Variants in GRIA2 observed in about 807,000 individuals in gnomAD.
GRIA2 encodes the protein glutamate ionotropic receptor AMPA type subunit 2.
Under a neutral mutation model 97.3 loss-of-function variants are expected in GRIA2, and 14 were observed. That is an observed-to-expected ratio of 0.14 (90% CI 0.10 to 0.23). The LOEUF is 0.23. GRIA2 is among the 10% of genes least tolerant of loss of function. The pLI, the probability that GRIA2 is intolerant of heterozygous loss-of-function variation, is 1.00. For synonymous variants in GRIA2, 412 were observed against 387.8 expected, an observed-to-expected ratio of 1.06 and a Z score of -0.73; for missense variants, 558 against 1,069.8, an observed-to-expected ratio of 0.52 and a Z score of 6.67.
At position 157,336,448 on chromosome 4, in the gene GRIA2, C is replaced by T. The variant is rs1247870346; in HGVS notation, c.1545C>T (p.Pro515=). 3 of 1,611,754 alleles carry T rather than the reference C, an allele frequency of 1.9e-6. No individual in the cohort carries two copies. Among genetic ancestry groups the T allele is most frequent in the Non-Finnish European group, 2.5e-6 (3 of 1,178,676 alleles). ...VREEVIDFSK[P]FMSLGISIMI... ...AAGAGGTGATTGACTTCTCAAAGCC[C>T]TTCATGAGCCTCGGGATATCTATCA... is the stretch of plus-strand genomic sequence containing the variant. Residue 515 remains proline (P), a synonymous_variant, in exon 11 of 16, where the codon CCC becomes CCT. Transcript: ENST00000264426.
At chr4:157,226,133 G>A (rs991195608) in intron 2 of GRIA2, among the ~76,000 whole-genome samples, 8 of 151,936 alleles carry the variant, frequency 5.3e-5, no homozygotes, top group African/African-American at 1.9e-4. Context: ...AGTTAAAGAT[G>A]ATTTAATAGT....
At chr4:157,333,015 G>C in intron 7 of GRIA2, 29 bp downstream of exon 7, 1 of 1,524,600 alleles carries the variant, frequency 6.6e-7, no homozygotes, top group Non-Finnish European at 8.9e-7. Flanking sequence ...TCGTTAACGT[G>C]ACTTAATATG....
intron 3 of GRIA2, 117 bp from the exon 4 acceptor site, chr4:157,312,562 A>G: frequency 1.8e-6 from 1 of 557,738 alleles, no homozygotes; most frequent in Non-Finnish European, 3.0e-6. Flanking sequence ...AGGAGTCAAC[A>G]TTCCTTTAGT....
At chr4:157,232,011 A>T (rs1469136516) in intron 2 of GRIA2, among the ~76,000 whole-genome samples, 1 of 152,228 alleles carries the variant, frequency 6.6e-6, no homozygotes, top group East Asian at 1.9e-4. Context: ...TATTCAAAGG[A>T]CAATTTAAGA....
chr4:157,283,707 A>C (rs1376476966), intron 2 of GRIA2, among the ~76,000 whole-genome samples: 2 of 151,844 alleles, frequency 1.3e-5, no homozygotes, highest in Non-Finnish European at 2.9e-5. Flanking sequence ...TGTGTTTTTC[A>C]CTTTTAACCT....
chr4:157,259,942 T>C (rs1253463445), intron 2 of GRIA2, among the ~76,000 whole-genome samples: 1 of 152,170 alleles, frequency 6.6e-6, no homozygotes, highest in Non-Finnish European at 1.5e-5. Context: ...TCTTTTTTAC[T>C]TGCACAATTC....
intron 2 of GRIA2, among the ~76,000 whole-genome samples, chr4:157,235,249 C>T (rs1730191679): frequency 1.3e-5 from 2 of 151,972 alleles, no homozygotes; most frequent in Non-Finnish European, 2.9e-5. Context: ...TCTTTCTTTT[C>T]TTCCTTTCTT....
intron 3 of GRIA2, among the ~76,000 whole-genome samples, chr4:157,310,616 A>G (rs1309767670): frequency 6.6e-6 from 1 of 151,970 alleles, no homozygotes; most frequent in Admixed American, 6.6e-5. Context: ...GGAAAAAATG[A>G]TTTTTATATT....
chr4:157,249,273 G>T (rs1354727573), intron 2 of GRIA2, among the ~76,000 whole-genome samples: 1 of 152,102 alleles, frequency 6.6e-6, no homozygotes, highest in Admixed American at 6.6e-5. Flanking sequence ...TTCATAATTT[G>T]AATATCTTAG....
At chr4:157,262,245 T>G in intron 2 of GRIA2, among the ~76,000 whole-genome samples, 1 of 152,040 alleles carries the variant, frequency 6.6e-6, no homozygotes, top group East Asian at 1.9e-4. Flanking sequence ...ATAAGCTTAT[T>G]ATCTAAATTT....
chr4:157,267,632 T>G (rs572661843), intron 2 of GRIA2, among the ~76,000 whole-genome samples: 64 of 152,176 alleles, frequency 4.2e-4, no homozygotes, highest in African/African-American at 1.5e-3. Context: ...GTTAGTTTAT[T>G]GTTGTTGTTT....
At chr4:157,256,917 T>C (rs1215223291) in intron 2 of GRIA2, among the ~76,000 whole-genome samples, 1 of 152,042 alleles carries the variant, frequency 6.6e-6, no homozygotes, top group Non-Finnish European at 1.5e-5. Flanking sequence ...TTGATTTATT[T>C]GCAGTACCAT....
chr4:157,316,323 A>G (rs746232540), intron 4 of GRIA2, among the ~76,000 whole-genome samples: 5 of 152,192 alleles, frequency 3.3e-5, no homozygotes, highest in Non-Finnish European at 7.4e-5. Context: ...GTCATGTTAC[A>G]TAAAACTGAG....
chr4:157,317,327 C>G (rs1257765291), intron 4 of GRIA2, among the ~76,000 whole-genome samples: 1 of 152,052 alleles, frequency 6.6e-6, no homozygotes, highest in East Asian at 1.9e-4. Flanking sequence ...AGAATTCTGA[C>G]TTGTCATGGA....
chr4:157,328,080 TAA>T (rs1426664313), intron 6 of GRIA2, among the ~76,000 whole-genome samples: 1 of 152,122 alleles, frequency 6.6e-6, no homozygotes, highest in Non-Finnish European at 1.5e-5. Context: ...ATGACTGAAA[TAA>T]ACTTATAAAT....
rs536264049 is a variant in GRIA2 at position 157,228,843 on chromosome 4, C to G, written c.229+7036C>G. Among the ~76,000 whole-genome samples, 4 of 150,100 alleles carry G rather than the reference C, an allele frequency of 2.7e-5. No homozygotes were observed. In the South Asian group the frequency reaches 8.5e-4, roughly 32 times the overall value. On this transcript the variant is annotated intron_variant, in intron 2 of 15. Coordinates refer to ENST00000264426, the MANE Select transcript of GRIA2 (RefSeq NM_001083619.3). ...AAAAGAATGACCCCCCCACCTCCCCCCACCAAAAAAAAACCCAAAAGCAAG... is the reference window on the plus strand; with the variant it reads ...AAAAGAATGACCCCCCCACCTCCCCGCACCAAAAAAAAACCCAAAAGCAAG...
chr4:157,309,718 G>A (rs1733995266), intron 3 of GRIA2, among the ~76,000 whole-genome samples: 1 of 152,042 alleles, frequency 6.6e-6, no homozygotes, highest in African/African-American at 2.4e-5. Flanking sequence ...TTTCCACTTG[G>A]TGAAATCCAT....
rs145459180 is a variant in GRIA2 at position 157,228,664 on chromosome 4, C to G, written c.229+6857C>G. On this transcript the variant is annotated intron_variant, in intron 2 of 15. Coordinates refer to ENST00000264426, the MANE Select transcript of GRIA2 (RefSeq NM_001083619.3). The stretch of plus-strand genomic sequence containing the variant: ...AAGAAGTAGCCAGGCGTGGTGGCAC[C>G]CATCTGTAGTCCCAGCTACTCAGGA... Among the ~76,000 whole-genome samples the G allele has an allele frequency of 5.9e-4, 90 of 151,636 alleles. 1 individual carries two copies. The highest frequency in any genetic ancestry group is 2.0e-3 in the African/African-American group (83 of 41,322).
chr4:157,329,105 TA>T (rs1381001482), intron 6 of GRIA2, among the ~76,000 whole-genome samples: 1 of 151,994 alleles, frequency 6.6e-6, no homozygotes, highest in Non-Finnish European at 1.5e-5. Flanking sequence ...GACAAGTGAA[TA>T]ATTTTAAGTT....
Sources: allele counts gnomAD v4.1 joint callset (sites outside exome capture counted in the v4.1 genomes callset), GRCh38; gene constraint gnomAD v4.1.1; transcripts MANE v1.5; gene names NCBI Gene and HGNC (gene_info 2026-07-23, HGNC 2026-07-21).